The following RUNX1T1 variants were observed in gnomAD, a reference collection of about 807,000 sequenced individuals.
RUNX1T1 encodes the protein RUNX1 partner transcriptional co-repressor 1.
RUNX1T1 carries 4 observed loss-of-function variants against 62.8 expected under a neutral mutation model. The observed-to-expected ratio is 0.06, with a 90% CI of 0.03 to 0.15. The LOEUF is 0.15. Ranked by LOEUF, RUNX1T1 falls within the 10% of genes least tolerant of loss-of-function variation. The pLI, the probability that RUNX1T1 is intolerant of heterozygous loss-of-function variation, is 1.00. For missense variants in RUNX1T1, 508 were observed against 754.3 expected (o/e 0.67, Z 3.82); for synonymous variants, 291 against 286.0 (o/e 1.02, Z -0.18).
intron 2 of RUNX1T1, among the ~76,000 whole-genome samples, 171 bp downstream of exon 2, chr8:92,075,794 T>A (rs1243371222): frequency 6.6e-6 from 1 of 150,956 alleles, no homozygotes; most frequent in African/African-American, 2.4e-5. Flanking sequence ...CCCCACCCAA[T>A]CCCCACACCC....
chr8:92,078,659 A>G (rs893335810), intron 1 of RUNX1T1, among the ~76,000 whole-genome samples: 1 of 152,226 alleles, frequency 6.6e-6, no homozygotes, highest in African/African-American at 2.4e-5. Flanking sequence ...TGAAAACCAC[A>G]TGTGCAAATC....
intron 1 of RUNX1T1, among the ~76,000 whole-genome samples, chr8:92,027,940 G>T (rs891321801): frequency 6.6e-6 from 1 of 151,664 alleles, no homozygotes; most frequent in Non-Finnish European, 1.5e-5. Context: ...TCTTATTTTT[G>T]AATGTGTCCC....
At chr8:91,979,246 A>C (rs1018772285) in intron 8 of RUNX1T1, among the ~76,000 whole-genome samples, 6 of 152,204 alleles carry the variant, frequency 3.9e-5, no homozygotes, top group African/African-American at 1.4e-4. Context: ...ATCAAAATCT[A>C]TATAGGGAAA....
exon 11 of RUNX1T1, chr8:91,959,350 A>G: frequency 4.5e-6 from 1 of 224,556 alleles, no homozygotes; most frequent in African/African-American, 2.2e-5. Context: ...AGGGTTATTT[A>G]GGGCAGCTGG....
At chr8:92,028,196 C>CTTTTTTTTTTTTTTTTTTTTT (rs201238471) in intron 1 of RUNX1T1, among the ~76,000 whole-genome samples, 1 of 118,934 alleles carries the variant, frequency 8.4e-6, no homozygotes. Flanking sequence ...ATTAGTAATT[C>CTTTTTTTTTTTTTTTTTTTTT]TTTTTTTTTT....
rs67366711 is a variant in RUNX1T1, at chr8:91,981,404, C to CTTT, written c.1198+4717_1198+4719dup. ...TTCAACAAACTCCTAAGTTACTAAG[C>CTTT]TTTTTTTTTTTTTTTTTTTTTTTTT... On this transcript the variant is annotated intron_variant, in intron 8 of 10. Transcript: ENST00000396218. 3.5e-3 allele frequency among the ~76,000 whole-genome samples: 225 copies of CTTT among 63,884 alleles called. 46 individuals carry two copies. The highest frequency in any genetic ancestry group is 4.1e-3 in the African/African-American group (66 of 16,010). The allele number at this position is 63,884 out of a possible 152,430, so 41.9% of individuals were successfully genotyped here. A position where few individuals can be genotyped will look rare whatever the true frequency, so the allele number is the denominator to read the frequency against.
intron 1 of RUNX1T1, among the ~76,000 whole-genome samples, chr8:92,033,614 G>GT (rs750395106): frequency 1.3e-5 from 2 of 152,192 alleles, no homozygotes; most frequent in Non-Finnish European, 2.9e-5. Context: ...GCAAAACCCT[G>GT]TCTCAGCCTC....
intron 9 of RUNX1T1, among the ~76,000 whole-genome samples, chr8:91,975,281 T>C (rs575141567): frequency 2.0e-5 from 3 of 152,344 alleles, no homozygotes; most frequent in Admixed American, 2.0e-4. Context: ...TTACAAAATA[T>C]AGAGCAGCAT....
At chr8:92,069,448 T>C (rs1287707536) in intron 2 of RUNX1T1, among the ~76,000 whole-genome samples, 2 of 152,180 alleles carry the variant, frequency 1.3e-5, no homozygotes, top group African/African-American at 4.8e-5. Flanking sequence ...CATATTTTCT[T>C]TCACAGGACT....
intron 5 of RUNX1T1, chr8:91,994,512 A>G: frequency 4.3e-6 from 2 of 466,134 alleles, no homozygotes; most frequent in South Asian, 3.4e-5. Context: ...GTGTAGTGGA[A>G]AGAGCACTGG....
chr8:91,987,005 A>T (rs577085364), intron 6 of RUNX1T1, 33 bp from the exon 8 acceptor site: 1 of 1,374,484 alleles, frequency 7.3e-7, no homozygotes, highest in Admixed American at 1.7e-5. Context: ...ATAACCCTAA[A>T]GCATTCAGTA....
chr8:92,044,791 GA>G (rs1829095091), intron 1 of RUNX1T1, among the ~76,000 whole-genome samples: 1 of 152,204 alleles, frequency 6.6e-6, no homozygotes, highest in African/African-American at 2.4e-5. Context: ...GGGAAGATGA[GA>G]AAATCATACC....
At chr8:92,043,416 A>C (rs1828819431) in intron 1 of RUNX1T1, among the ~76,000 whole-genome samples, 1 of 152,094 alleles carries the variant, frequency 6.6e-6, no homozygotes, top group Non-Finnish European at 1.5e-5. Flanking sequence ...GGAAAAAAAA[A>C]CTAACTAGTT....
At chr8:92,003,358 G>T in intron 5 of RUNX1T1, 1 of 456,178 alleles carries the variant, frequency 2.2e-6, no homozygotes, top group Non-Finnish European at 4.4e-6. Context: ...TGAAATACTG[G>T]GAAAGAGCTG....
upstream of RUNX1T1, among the ~76,000 whole-genome samples, chr8:92,066,096 T>C (rs1172163640): frequency 6.6e-6 from 1 of 152,176 alleles, no homozygotes; most frequent in Non-Finnish European, 1.5e-5. Context: ...AAATGGAGCA[T>C]TTTACTCCTA....
At chr8:91,986,021 T>C (rs1252942295) in intron 8 of RUNX1T1, 103 bp downstream of exon 9, 4 of 857,012 alleles carry the variant, frequency 4.7e-6, no homozygotes, top group Non-Finnish European at 7.8e-6. Context: ...TTTATTGTCT[T>C]AAAATTCCTT....
chr8:92,051,529 C>T (rs926983248), intron 1 of RUNX1T1, among the ~76,000 whole-genome samples: 5 of 151,938 alleles, frequency 3.3e-5, no homozygotes, highest in African/African-American at 1.2e-4. Flanking sequence ...AGAATACATA[C>T]ACATACATTC....
chr8:92,065,963 C>A (rs1012329694), upstream of RUNX1T1, among the ~76,000 whole-genome samples: 5 of 152,188 alleles, frequency 3.3e-5, no homozygotes, highest in Non-Finnish European at 5.9e-5. Context: ...TCTGCTCTGG[C>A]CTGCCACCAA....
At chr8:92,017,454 G>GA (rs1823241272) in intron 1 of RUNX1T1, 91 bp from the exon 3 acceptor site, 7 of 1,597,748 alleles carry the variant, frequency 4.4e-6, no homozygotes, top group Non-Finnish European at 5.1e-6. Context: ...CAAGTGAACA[G>GA]AAGAAATTCA....
Sources: allele counts gnomAD v4.1 joint callset (sites outside exome capture counted in the v4.1 genomes callset), GRCh38; gene constraint gnomAD v4.1.1; transcripts MANE v1.5; gene names NCBI Gene and HGNC (gene_info 2026-07-23, HGNC 2026-07-21).